Variants in SEC23B observed in about 807,000 individuals in gnomAD.
The protein encoded by SEC23B is protein transport protein Sec23B.
SEC23B carries 77 observed loss-of-function variants against 104.3 expected under a neutral mutation model. That is an observed-to-expected ratio of 0.74 (90% CI 0.61 to 0.89). The LOEUF (loss-of-function observed/expected upper bound fraction) is 0.89. SEC23B is among the 40% of genes least tolerant of loss of function. The pLI, the probability that SEC23B is intolerant of heterozygous loss-of-function variation, is 0.00. For synonymous variants in SEC23B, 338 were observed against 332.5 expected, an observed-to-expected ratio of 1.02 and a Z score of -0.18; for missense variants, 885 against 949.4, an observed-to-expected ratio of 0.93 and a Z score of 0.89.
chr20:18,539,222 A>AG (rs1371352992), intron 12 of SEC23B, among the ~76,000 whole-genome samples: 3 of 107,952 alleles, frequency 2.8e-5, no homozygotes, highest in Admixed American at 9.6e-5. Context: ...AAAAAAAAAA[A>AG]AGGCCGGGTG....
intron 12 of SEC23B, among the ~76,000 whole-genome samples, chr20:18,538,344 G>A (rs2060256123): frequency 6.6e-6 from 1 of 151,150 alleles, no homozygotes; most frequent in Non-Finnish European, 1.5e-5. Context: ...TCGCCTCCTG[G>A]GTTCACGCCA....
At chr20:18,522,372 C>T (rs993477451) in intron 4 of SEC23B, among the ~76,000 whole-genome samples, 5 of 152,118 alleles carry the variant, frequency 3.3e-5, no homozygotes, top group Non-Finnish European at 7.3e-5. Flanking sequence ...GTGACCGGCG[C>T]GTTTTGGGTC....
chr20:18,511,810 G>A (rs2148885443), intron 2 of SEC23B, among the ~76,000 whole-genome samples: 1 of 152,234 alleles, frequency 6.6e-6, no homozygotes, highest in East Asian at 1.9e-4. Flanking sequence ...AAATCTAGAA[G>A]CATTTTCCTG....
chr20:18,551,052 G>A (rs923588291), intron 16 of SEC23B, 37 bp from the exon 17 acceptor site: 2 of 1,348,354 alleles, frequency 1.5e-6, no homozygotes, highest in South Asian at 1.2e-5. Flanking sequence ...GGGGAGCAGG[G>A]AAGACCAATG....
Position 18,554,967 on chromosome 20 carries a change from CAATTCTAATT to C in SEC23B, c.2149-139_2149-130del. The C allele has an allele frequency of 3.9e-4, 27 of 69,434 alleles. 11 individuals carry two copies. The highest frequency in any genetic ancestry group is 1.9e-3 in the South Asian group (9 of 4,862). 4.3% of individuals were successfully genotyped at this position (69,434 alleles called of 1,614,324 possible). Reference sequence around the variant, plus strand: ...AGAAATAGATTACTGTGCAGTAAAACAATTCTAATTAGATTACTGTGCAGTAAAACAATTC... The same window carrying C: ...AGAAATAGATTACTGTGCAGTAAAACAGATTACTGTGCAGTAAAACAATTC... On this transcript the variant is annotated intron_variant, in intron 18 of 19. Transcript: ENST00000650089.
Position 18,543,130 on chromosome 20 carries a change from G to T in SEC23B, c.1623G>T (p.Gly541=). The part of the protein sequence containing the change: ...LGVFRAESEE[G]PDVLRWLDRQ... Reference sequence around the variant, plus strand: ...TGTTCCGAGCGGAGTCAGAGGAGGGGCCCGATGTGCTCCGGTGGCTGGACC... The same window carrying T: ...TGTTCCGAGCGGAGTCAGAGGAGGGTCCCGATGTGCTCCGGTGGCTGGACC... The change falls in exon 14 of 20, where the codon GGG becomes GGT. Residue 541 remains glycine, a synonymous_variant. Transcript: ENST00000650089. 6.2e-7 allele frequency: 1 copy of T among 1,614,202 alleles called. No homozygotes were observed.
rs1001886691 is a variant in SEC23B, at chr20:18,546,043, G to A, written c.1743+10G>A. 3 of 1,385,636 alleles carry A rather than the reference G, an allele frequency of 2.2e-6. No individual in the cohort carries two copies. The highest frequency in any genetic ancestry group is 2.3e-5 in the East Asian group (1 of 43,764). The allele number at this position is 1,385,636 out of a possible 1,614,324, so 85.8% of individuals were successfully genotyped here. On this transcript the variant is annotated intron_variant, in intron 15 of 19. Transcript: ENST00000650089. ...TTCTCTATATCCTCAGGTAAGTAAT[G>A]TATGTTTCTAAAATAACTACAGAGC...
Position 18,548,773 on chromosome 20 carries a change from G to A in SEC23B, c.1905+3G>A, listed in dbSNP as rs1337941281. The A allele has an allele frequency of 6.2e-7, 1 of 1,613,852 alleles. No individual in the cohort carries two copies. The highest frequency in any genetic ancestry group is 8.5e-7 in the Non-Finnish European group (1 of 1,179,878). ...ACTCCTTTCATGGGCCACCAGAGGT[G>A]AGGCTCTACCCAAATGCTTTCCTGA... is the stretch of plus-strand genomic sequence containing the variant. On this transcript the variant is annotated splice_donor_region_variant and intron_variant, in intron 16 of 19. Transcript: ENST00000650089.
chr20:18,537,246 A>C (rs1017947849), intron 12 of SEC23B, among the ~76,000 whole-genome samples: 4 of 151,642 alleles, frequency 2.6e-5, no homozygotes, highest in African/African-American at 9.7e-5. Context: ...CTGGGTATAT[A>C]CCCAAAGGAC....
rs554729269 is a variant in SEC23B, at chr20:18,540,792, G to T, written c.1405-1504G>T. Among the ~76,000 whole-genome samples the T allele has an allele frequency of 1.1e-3, 160 of 152,276 alleles. 1 individual carries two copies. Among genetic ancestry groups the T allele is most frequent in the African/African-American group, 3.5e-3 (144 of 41,546 alleles). The stretch of plus-strand genomic sequence containing the variant: ...AATCTCTTGAGCCTGGGAAGCCGAG[G>T]TTGCAGTGAGCTGAGATCATGCCAT... On this transcript the variant is annotated intron_variant, in intron 12 of 19. Coordinates refer to ENST00000650089, the MANE Select transcript of SEC23B (RefSeq NM_006363.6).
In SEC23B at chr20:18,548,670, C is replaced by T. The variant is rs200775519; in HGVS notation, c.1805C>T (p.Ser602Leu). The change falls in exon 16 of 20, where the codon TCG becomes TTG. Residue 602 changes from serine to leucine, a missense_variant. Physicochemically the swap from Ser to Leu is moderately radical, Grantham distance 145. Transcript: ENST00000650089. The stretch of plus-strand genomic sequence containing the variant: ...GTGTTTAACAACAGTCCTGATGAGT[C>T]GTCATATTACAGACATCATTTTGCC... The part of the protein sequence containing the change: ...LQVFNNSPDE[S>L]SYYRHHFARQ... 3.6e-5 allele frequency: 58 copies of T among 1,613,780 alleles called. No homozygotes were observed. The highest frequency in any genetic ancestry group is 5.0e-5 in the Admixed American group (3 of 59,990).
intron 10 of SEC23B, 93 bp from the exon 11 acceptor site, chr20:18,532,571 T>C: frequency 1.1e-6 from 1 of 925,422 alleles, no homozygotes; most frequent in South Asian, 1.3e-5. Context: ...ATAGTAGTGT[T>C]ATATTTTCCC....
intron 19 of SEC23B, among the ~76,000 whole-genome samples, chr20:18,557,745 C>CTTTTTTT (rs11477198): frequency 4.5e-4 from 53 of 116,810 alleles, no homozygotes; most frequent in Non-Finnish European, 5.3e-4. Flanking sequence ...TTTTTCTTTT[C>CTTTTTTT]TTTTTTTTTT....
chr20:18,560,122 A>ATT (rs386393450), intron 19 of SEC23B, among the ~76,000 whole-genome samples: 15 of 151,790 alleles, frequency 9.9e-5, no homozygotes, highest in East Asian at 5.8e-4. Flanking sequence ...ATATATATAT[A>ATT]TTTTTAATTT....
chr20:18,544,126 G>C (rs556675448), intron 14 of SEC23B, among the ~76,000 whole-genome samples: 1 of 152,188 alleles, frequency 6.6e-6, no homozygotes, highest in African/African-American at 2.4e-5. Context: ...GGCAAAGGGG[G>C]TGAGTTTGGA....
intron 4 of SEC23B, among the ~76,000 whole-genome samples, chr20:18,521,873 AC>A (rs545859868): frequency 5.9e-5 from 9 of 152,144 alleles, no homozygotes; most frequent in Admixed American, 1.3e-4. Context: ...GACGTCAGGC[AC>A]CTCAGACCAT....
chr20:18,529,540 G>A (rs945896025), intron 9 of SEC23B, among the ~76,000 whole-genome samples: 7 of 152,156 alleles, frequency 4.6e-5, no homozygotes, highest in Non-Finnish European at 7.3e-5. Flanking sequence ...CATCATTACG[G>A]GCTGAGGCTC....
In SEC23B at chr20:18,525,914, T is replaced by C. The variant is rs115177758; in HGVS notation, c.816T>C (p.Ile272=). ...GATCCACTGGTGTGGCTTTGTCCAT[T>C]GCTGTTGGCTTGCTGGAGGTAATTT... The part of the protein sequence containing the change: ...PLRSTGVALS[I]AVGLLEGTFP... The change falls in exon 7 of 20, where the codon ATT becomes ATC. Residue 272 remains isoleucine (I), a synonymous_variant. Coordinates refer to ENST00000650089, the MANE Select transcript of SEC23B (RefSeq NM_006363.6). 1,968 of 1,614,226 alleles carry C rather than the reference T, an allele frequency of 1.2e-3. 34 individuals are homozygous for C. In the African/African-American group the frequency reaches 0.023, roughly 19 times the overall value.
intron 1 of SEC23B, among the ~76,000 whole-genome samples, chr20:18,509,390 C>T (rs1256539270): frequency 6.6e-6 from 1 of 152,160 alleles, no homozygotes. Context: ...AGGAAGTGGG[C>T]GCGAGAGGCC....
Sources: gnomAD v4.1 joint callset for allele counts (sites outside exome capture counted in the v4.1 genomes callset) on GRCh38, gnomAD v4.1.1 for gene constraint, MANE v1.5 for transcripts, NCBI Gene and HGNC (gene_info 2026-07-23, HGNC 2026-07-21) for gene names.